RAP1A: variants seen among roughly 807,000 people sequenced by gnomAD.
RAP1A encodes the protein ras-related protein Rap-1A.
In RAP1A, 6 loss-of-function variants were observed where a neutral mutation model predicts 26.4. The ratio of observed to expected loss-of-function variants is 0.23; its 90% confidence interval spans 0.12 to 0.45. RAP1A has a LOEUF of 0.45. Among genes scored for constraint, RAP1A ranks in the 20% least tolerant of loss-of-function variants. RAP1A has a pLI of 0.99. For synonymous variants in RAP1A, 73 were observed against 79.4 expected, an observed-to-expected ratio of 0.92 and a Z score of 0.43; for missense variants, 121 against 217.2, an observed-to-expected ratio of 0.56 and a Z score of 2.78.
intron 6 of RAP1A, among the ~76,000 whole-genome samples, chr1:111,706,498 C>T (rs1662196922): frequency 6.6e-6 from 1 of 151,974 alleles, no homozygotes; most frequent in Admixed American, 6.6e-5. Context: ...TTATTCACAC[C>T]ACTTTGCAAC....
intron 1 of RAP1A, among the ~76,000 whole-genome samples, chr1:111,622,533 C>A (rs976352401): frequency 6.6e-6 from 1 of 152,186 alleles, no homozygotes; most frequent in Non-Finnish European, 1.5e-5. Context: ...ACTACCCTTC[C>A]CTGCCACTGT....
At chr1:111,651,382 CA>C in intron 1 of RAP1A, among the ~76,000 whole-genome samples, 1 of 150,208 alleles carries the variant, frequency 6.7e-6, no homozygotes, top group Admixed American at 6.6e-5. Flanking sequence ...TAGCTAGTTT[CA>C]AAAAAGAAAA....
intron 1 of RAP1A, among the ~76,000 whole-genome samples, chr1:111,554,502 AC>A (rs1226363426): frequency 2.6e-5 from 4 of 152,240 alleles, no homozygotes; most frequent in Non-Finnish European, 4.4e-5. Flanking sequence ...TTCAGTGGCC[AC>A]TTGGCTACAG....
At chr1:111,691,862 G>A (rs1661680297) in intron 2 of RAP1A, among the ~76,000 whole-genome samples, 1 of 152,116 alleles carries the variant, frequency 6.6e-6, no homozygotes, top group African/African-American at 2.4e-5. Context: ...AGATTCTAGG[G>A]TCACAACAGT....
intron 1 of RAP1A, among the ~76,000 whole-genome samples, chr1:111,656,620 C>T (rs988484809): frequency 6.6e-6 from 1 of 152,140 alleles, no homozygotes; most frequent in African/African-American, 2.4e-5. Context: ...AGTTCTCAGT[C>T]GCATCTTAAT....
At chr1:111,547,704 A>G (rs542687564) in intron 1 of RAP1A, among the ~76,000 whole-genome samples, 52 of 152,318 alleles carry the variant, frequency 3.4e-4, no homozygotes, top group African/African-American at 1.2e-3. Flanking sequence ...GAAGGAGCCA[A>G]ATCAGGACTG....
chr1:111,667,543 G>A (rs1057325416), intron 1 of RAP1A, among the ~76,000 whole-genome samples: 2 of 151,960 alleles, frequency 1.3e-5, no homozygotes, highest in East Asian at 1.9e-4. Flanking sequence ...TTAGCTGGGC[G>A]TGGTGGCCCG....
At chr1:111,597,888 T>G (rs1658590560) in intron 1 of RAP1A, among the ~76,000 whole-genome samples, 1 of 152,150 alleles carries the variant, frequency 6.6e-6, no homozygotes, top group African/African-American at 2.4e-5. Context: ...AGTTTGGAGA[T>G]TATAAAAGCT....
At chr1:111,602,238 C>T (rs879613679) in intron 1 of RAP1A, 1 of 152,182 alleles carries the variant, frequency 6.6e-6, no homozygotes, top group Admixed American at 6.5e-5. Context: ...TCAAGTCAGT[C>T]TTCATTTGAA....
chr1:111,573,483 C>T (rs34179386), intron 1 of RAP1A, among the ~76,000 whole-genome samples: 37,899 of 152,044 alleles, frequency 0.25, 6,082 homozygotes, highest in South Asian at 0.41. Context: ...TACAGGGATG[C>T]GCCACAATGC....
At chr1:111,635,028 A>G (rs1305471729) in intron 1 of RAP1A, among the ~76,000 whole-genome samples, 3 of 152,210 alleles carry the variant, frequency 2.0e-5, no homozygotes, top group Admixed American at 6.5e-5. Flanking sequence ...GCTTTTAAAG[A>G]TAAAGATTCT....
At chr1:111,645,968 G>T (rs748978126) in intron 1 of RAP1A, among the ~76,000 whole-genome samples, 1 of 152,140 alleles carries the variant, frequency 6.6e-6, no homozygotes, top group Non-Finnish European at 1.5e-5. Context: ...TGTGCTGTGG[G>T]GTTTTCCTCA....
In RAP1A at chr1:111,668,328, C is replaced by G. The variant is rs529588488; in HGVS notation, c.-27-23006C>G. ...AGGATAACAGACAACTGAATTGGAC[C>G]CCCATTGACTTCATATTTTGGAATT... On this transcript the variant is annotated intron_variant, in intron 1 of 7. Coordinates refer to ENST00000369709, the MANE Select transcript of RAP1A (RefSeq NM_002884.4). Among the ~76,000 whole-genome samples the G allele has an allele frequency of 2.6e-5, 4 of 152,188 alleles. No individual in the cohort carries two copies. The South Asian group carries it at 8.3e-4, about 32-fold the overall frequency.
At chr1:111,660,796 C>T (rs1660609798) in intron 1 of RAP1A, among the ~76,000 whole-genome samples, 2 of 152,312 alleles carry the variant, frequency 1.3e-5, no homozygotes, top group South Asian at 4.1e-4. Flanking sequence ...ACCTTCTCTT[C>T]TCCTAATGAC....
chr1:111,576,140 A>C (rs906171269), intron 1 of RAP1A, among the ~76,000 whole-genome samples: 2 of 152,196 alleles, frequency 1.3e-5, no homozygotes. Context: ...CACCTGGAGA[A>C]CGTGTTAAAA....
intron 1 of RAP1A, among the ~76,000 whole-genome samples, chr1:111,691,116 G>A (rs1291574000): frequency 6.6e-6 from 1 of 152,138 alleles, no homozygotes; most frequent in Non-Finnish European, 1.5e-5. Flanking sequence ...CATAATTGAT[G>A]CCTAGTCAAA....
At chr1:111,608,415 G>C (rs545775048) in intron 1 of RAP1A, 267 of 170,392 alleles carry the variant, frequency 1.6e-3, no homozygotes, top group African/African-American at 6.2e-3. Context: ...TCACTTTCCA[G>C]ACTGGGCAGC....
At chr1:111,704,594 C>T in intron 6 of RAP1A, 108 bp downstream of exon 6, 1 of 1,187,306 alleles carries the variant, frequency 8.4e-7, no homozygotes, top group East Asian at 2.7e-5. Context: ...ATCTTGATTC[C>T]ATAATTTTAT....
intron 1 of RAP1A, among the ~76,000 whole-genome samples, chr1:111,620,598 G>C (rs1201937310): frequency 1.3e-5 from 2 of 152,150 alleles, no homozygotes; most frequent in Non-Finnish European, 2.9e-5. Flanking sequence ...CCAGTTAATA[G>C]GGCTGACATC....
Sources: gnomAD v4.1 joint callset for allele counts (sites outside exome capture counted in the v4.1 genomes callset) on GRCh38, gnomAD v4.1.1 for gene constraint, MANE v1.5 for transcripts, NCBI Gene and HGNC (gene_info 2026-07-23, HGNC 2026-07-21) for gene names.